Variants in HMGXB4 observed in about 807,000 individuals in gnomAD.
HMGXB4 encodes the protein HMG-box containing 4, also known as HMG domain-containing protein 4.
A neutral mutation model predicts 63.9 loss-of-function variants in HMGXB4; 27 were observed. The ratio of observed to expected loss-of-function variants is 0.42; its 90% confidence interval spans 0.31 to 0.58. HMGXB4 has a LOEUF of 0.58. HMGXB4 is among the 20% of genes least tolerant of loss of function. The probability of loss-of-function intolerance (pLI) is 0.13; values close to 1 mark genes in which losing one functional copy is unlikely to be tolerated. For synonymous variants in HMGXB4, 264 were observed against 265.3 expected (o/e 0.99, Z 0.05); for missense variants, 624 against 700.7 (o/e 0.89, Z 1.24).
intron 4 of HMGXB4, among the ~76,000 whole-genome samples, chr22:35,264,352 A>G (rs941300392): frequency 6.6e-6 from 1 of 152,192 alleles, no homozygotes. Flanking sequence ...AACTTCCCAT[A>G]ATCCCACAGC....
chr22:35,263,289 A>C, intron 3 of HMGXB4, 63 bp downstream of exon 3: 1 of 1,259,380 alleles, frequency 7.9e-7, no homozygotes, highest in Non-Finnish European at 1.1e-6. Flanking sequence ...GGTGATGCAG[A>C]GTTTTTTTTT....
Position 35,293,926 on chromosome 22 carries a change from TG to T in HMGXB4, c.*276del, listed in dbSNP as rs1925084329. ...TTTTTTCTCCTGTGGTGGATAAATC[TG>T]CCTTAAAAATCAATGTAACTTGGGG... On this transcript the variant is annotated 3_prime_UTR_variant, in exon 11 of 11. Coordinates refer to ENST00000216106, the MANE Select transcript of HMGXB4 (RefSeq NM_001003681.3). The T allele has an allele frequency of 4.5e-6, 1 of 224,562 alleles. No homozygotes were observed. Among genetic ancestry groups the T allele is most frequent in the Non-Finnish European group, 8.5e-6 (1 of 117,116 alleles). The allele number at this position is 224,562 out of a possible 1,614,324, so 13.9% of individuals were successfully genotyped here.
intron 6 of HMGXB4, among the ~76,000 whole-genome samples, chr22:35,284,407 C>G (rs1440162975): frequency 6.6e-6 from 1 of 152,156 alleles, no homozygotes; most frequent in Admixed American, 6.5e-5. Flanking sequence ...AGATGCTCTT[C>G]AACTTATGAT....
chr22:35,282,125 T>G (rs925665722), intron 5 of HMGXB4, among the ~76,000 whole-genome samples: 1 of 152,202 alleles, frequency 6.6e-6, no homozygotes, highest in Non-Finnish European at 1.5e-5. Context: ...AACCTGACTC[T>G]TAAGGCAAAC....
At position 35,287,353 on chromosome 22, in the gene HMGXB4, A is replaced by C; in HGVS notation, c.1369A>C (p.Lys457Gln). ...TTCACTGATGTGATTGCAGATTTGGAAGCAAAAAGCTCAGTATCTGCAGCA... is the reference window on the plus strand; with the variant it reads ...TTCACTGATGTGATTGCAGATTTGGCAGCAAAAAGCTCAGTATCTGCAGCA... Reference protein sequence around the residue: ...QLPEKDKLIWKQKAQYLQHKQ... With the variant: ...QLPEKDKLIWQQKAQYLQHKQ... Residue 457 changes from lysine to glutamine, a missense_variant, in exon 8 of 11, where the codon AAG (lysine) becomes CAG (glutamine). By Grantham distance (53) the Lys-to-Gln change is moderately conservative. Coordinates refer to ENST00000216106, the MANE Select transcript of HMGXB4 (RefSeq NM_001003681.3). The C allele has an allele frequency of 6.2e-7, 1 of 1,612,204 alleles. No individual in the cohort carries two copies.
chr22:35,283,799 A>ATC (rs1198859587), intron 5 of HMGXB4, among the ~76,000 whole-genome samples, 163 bp from the exon 6 acceptor site: 1 of 151,510 alleles, frequency 6.6e-6, no homozygotes, highest in Non-Finnish European at 1.5e-5. Context: ...CAAAAAATAT[A>ATC]TATATATATA....
rs1277364141 is a variant in HMGXB4 at position 35,259,615 on chromosome 22, C to G, written c.-69+2058C>G. 3.3e-5 allele frequency among the ~76,000 whole-genome samples: 5 copies of G among 152,278 alleles called. No individual in the cohort carries two copies. The South Asian group carries it at 6.2e-4, about 19-fold the overall frequency. On this transcript the variant is annotated intron_variant, in intron 1 of 10. Coordinates refer to ENST00000216106, the MANE Select transcript of HMGXB4 (RefSeq NM_001003681.3). ...CTGTTGCTTGAGATTTATCTGGTAT[C>G]TTTCCAAAACTAAACCCTGAGCTGC...
chr22:35,260,202 G>A (rs1387606281), intron 1 of HMGXB4, among the ~76,000 whole-genome samples: 2 of 152,134 alleles, frequency 1.3e-5, no homozygotes, highest in Admixed American at 1.3e-4. Context: ...TTATGACATT[G>A]AATATTTAAG....
Position 35,279,677 on chromosome 22 carries a change from CTTTTTTT to C in HMGXB4, c.1216-4269_1216-4263del, listed in dbSNP as rs35564206. On this transcript the variant is annotated intron_variant, in intron 5 of 10. Transcript: ENST00000216106. Reference sequence around the variant, plus strand: ...GGGGGTGAGGTCTGTGTCTAGATTCCTTTTTTTTTTTTTTTTTTTTTTGGCATGTGGA... The same window carrying C: ...GGGGGTGAGGTCTGTGTCTAGATTCCTTTTTTTTTTTTTTTGGCATGTGGA... 2.2e-4 allele frequency among the ~76,000 whole-genome samples: 12 copies of C among 55,164 alleles called. No individual in the cohort carries two copies. The South Asian group carries it at 3.8e-3, about 17-fold the overall frequency. 36.2% of individuals were successfully genotyped at this position (55,164 alleles called of 152,430 possible). A position where few individuals can be genotyped will look rare whatever the true frequency, so the allele number is the denominator to read the frequency against.
At chr22:35,289,097 G>A (rs1038414864) in intron 9 of HMGXB4, among the ~76,000 whole-genome samples, 6 of 151,308 alleles carry the variant, frequency 4.0e-5, no homozygotes, top group Non-Finnish European at 4.4e-5. Context: ...TCAAGATTGC[G>A]CTACTGTACT....
chr22:35,247,950 A>G, the HMGXB4 span, among the ~76,000 whole-genome samples: 2 of 152,210 alleles, frequency 1.3e-5, no homozygotes, highest in Non-Finnish European at 2.9e-5. Flanking sequence ...TGCAATCACC[A>G]GAGAGTGCAC....
At chr22:35,284,135 A>G in intron 6 of HMGXB4, 92 bp downstream of exon 6, 1 of 911,532 alleles carries the variant, frequency 1.1e-6, no homozygotes, top group East Asian at 2.5e-5. Context: ...ATTAGAGCAT[A>G]AATCTTGTTT....
At chr22:35,270,253 G>A (rs769289617) in intron 5 of HMGXB4, among the ~76,000 whole-genome samples, 2 of 152,034 alleles carry the variant, frequency 1.3e-5, no homozygotes, top group East Asian at 1.9e-4. Flanking sequence ...GATTAGCAGC[G>A]GCATTAGATT....
chr22:35,284,089 C>T (rs1924426901), intron 6 of HMGXB4, 46 bp downstream of exon 6: 4 of 1,312,162 alleles, frequency 3.0e-6, no homozygotes, highest in Middle Eastern at 1.8e-4. Context: ...CCATTTATAT[C>T]TTGAAGCAGT....
At chr22:35,285,864 G>T in intron 6 of HMGXB4, 133 bp from the exon 7 acceptor site, 1 of 619,304 alleles carries the variant, frequency 1.6e-6, no homozygotes, top group Non-Finnish European at 2.8e-6. Context: ...GATTGGGGTT[G>T]GTTTTCTGAA....
At chr22:35,260,990 TAATG>T (rs1349125285) in intron 1 of HMGXB4, among the ~76,000 whole-genome samples, 2 of 152,182 alleles carry the variant, frequency 1.3e-5, no homozygotes, top group Non-Finnish European at 2.9e-5. Context: ...ACCCTTATAA[TAATG>T]AAGGTAAAAT....
chr22:35,275,467 C>G (rs1923855989), intron 5 of HMGXB4, among the ~76,000 whole-genome samples: 1 of 152,084 alleles, frequency 6.6e-6, no homozygotes, highest in Non-Finnish European at 1.5e-5. Context: ...GCTTTAACTC[C>G]CAAATATTGT....
At chr22:35,255,628 G>C (rs931485707), upstream of HMGXB4, among the ~76,000 whole-genome samples, 2 of 152,230 alleles carry the variant, frequency 1.3e-5, no homozygotes, top group Non-Finnish European at 1.5e-5. Flanking sequence ...ACAGAGGAGA[G>C]CACCACAGAC....
At chr22:35,259,061 A>ATTCCTTATTCCTC (rs1922664714) in intron 1 of HMGXB4, among the ~76,000 whole-genome samples, 14 of 152,240 alleles carry the variant, frequency 9.2e-5, no homozygotes, top group Admixed American at 9.2e-4. Context: ...CCTCCTGATT[A>ATTCCTTATTCCTC]CTTTGGTCAT....
Sources: gnomAD v4.1 joint callset for allele counts (sites outside exome capture counted in the v4.1 genomes callset) on GRCh38, gnomAD v4.1.1 for gene constraint, MANE v1.5 for transcripts, NCBI Gene and HGNC (gene_info 2026-07-23, HGNC 2026-07-21) for gene names.